FGF12: variants seen among roughly 807,000 people sequenced by gnomAD.
The protein encoded by FGF12 is fibroblast growth factor 12B.
Under a neutral mutation model 23.6 loss-of-function variants are expected in FGF12, and 14 were observed. The ratio of observed to expected loss-of-function variants is 0.59; its 90% CI spans 0.39 to 0.93. FGF12 has a LOEUF of 0.93. FGF12 is among the 40% of genes least tolerant of loss of function. The pLI is 0.00. For synonymous variants in FGF12, 62 were observed against 77.3 expected (o/e 0.80, Z 1.04); for missense variants, 175 against 217.8 (o/e 0.80, Z 1.24).
rs1724598024 is a variant in FGF12, at chr3:192,514,550, T to G, written c.14-154012A>C. 2.8e-6 allele frequency: 1 copy of G among 354,164 alleles called. No individual in the cohort carries two copies. The highest frequency in any genetic ancestry group is 1.1e-4 in the South Asian group (1 of 8,880). 21.9% of individuals were successfully genotyped at this position (354,164 alleles called of 1,614,324 possible). A position where few individuals can be genotyped will look rare whatever the true frequency, so the allele number is the denominator to read the frequency against. On this transcript the variant is annotated intron_variant, in intron 2 of 5. Coordinates refer to ENST00000445105, the MANE Select transcript of FGF12 (RefSeq NM_004113.6). The surrounding 1 kb of genome is among the most constrained non-coding windows in gnomAD (Gnocchi z 4.9). Reference sequence around the variant, plus strand: ...GACCTCGCCCCAGTCGGGAAACGCCTTCCCTCCGCCACAGGCAGCGCTGAA... The same window carrying G: ...GACCTCGCCCCAGTCGGGAAACGCCGTCCCTCCGCCACAGGCAGCGCTGAA...
At chr3:192,226,226 T>C (rs957946763) in intron 4 of FGF12, among the ~76,000 whole-genome samples, 1 of 152,176 alleles carries the variant, frequency 6.6e-6, no homozygotes, top group African/African-American at 2.4e-5. Flanking sequence ...TATGCTTTTT[T>C]CCCCATGGCT....
At chr3:192,432,708 T>G (rs1265194945) in intron 2 of FGF12, among the ~76,000 whole-genome samples, 1 of 151,724 alleles carries the variant, frequency 6.6e-6, no homozygotes, top group Non-Finnish European at 1.5e-5. Flanking sequence ...AATTGAATTC[T>G]GCCAGCAGCC....
At chr3:192,525,445 A>G (rs962491300) in intron 2 of FGF12, among the ~76,000 whole-genome samples, 16 of 152,330 alleles carry the variant, frequency 1.1e-4, no homozygotes, top group Middle Eastern at 3.4e-3. Context: ...ATCTCCAATC[A>G]GAGAGTATTA....
At chr3:192,232,841 T>C (rs1423837585) in intron 4 of FGF12, among the ~76,000 whole-genome samples, 1 of 152,126 alleles carries the variant, frequency 6.6e-6, no homozygotes, top group African/African-American at 2.4e-5. Flanking sequence ...CTTAGGATAA[T>C]GGCCTGCAGC....
At chr3:192,319,454 G>A (rs764333320) in intron 4 of FGF12, among the ~76,000 whole-genome samples, 5 of 151,994 alleles carry the variant, frequency 3.3e-5, no homozygotes, top group Non-Finnish European at 5.9e-5. Flanking sequence ...AAAATTAGGC[G>A]GGTGTGGTGG....
intron 4 of FGF12, among the ~76,000 whole-genome samples, chr3:192,187,710 T>C: frequency 6.6e-6 from 1 of 151,774 alleles, no homozygotes; most frequent in South Asian, 2.1e-4. Context: ...TTGAAGAATG[T>C]GTAGGAACTT....
chr3:192,567,494 G>C (rs1473797957), intron 2 of FGF12, among the ~76,000 whole-genome samples: 1 of 152,106 alleles, frequency 6.6e-6, no homozygotes, highest in African/African-American at 2.4e-5. Context: ...CCTCCAAATG[G>C]TGCTTGCATT....
intron 2 of FGF12, among the ~76,000 whole-genome samples, chr3:192,572,120 C>T (rs191880211): frequency 1.1e-4 from 16 of 152,222 alleles, no homozygotes; most frequent in African/African-American, 3.9e-4. Context: ...TAATCCAGAT[C>T]CTGGATGGAA....
At chr3:192,683,034 G>T (rs146792515) in intron 2 of FGF12, among the ~76,000 whole-genome samples, 3 of 152,130 alleles carry the variant, frequency 2.0e-5, no homozygotes, top group Non-Finnish European at 4.4e-5. Flanking sequence ...GTGTCTCTTC[G>T]TTTGGCTGCT....
intron 4 of FGF12, among the ~76,000 whole-genome samples, chr3:192,278,634 G>A (rs1224314830): frequency 6.6e-6 from 1 of 152,162 alleles, no homozygotes; most frequent in East Asian, 1.9e-4. Flanking sequence ...AGAGAACAGG[G>A]TAAGAGGAAA....
chr3:192,576,758 C>T (rs1712908496), intron 2 of FGF12, among the ~76,000 whole-genome samples: 1 of 152,096 alleles, frequency 6.6e-6, no homozygotes, highest in African/African-American at 2.4e-5. Flanking sequence ...AATAAATCAT[C>T]ATGTTTATTG....
At chr3:192,234,851 A>G (rs1577262559) in intron 4 of FGF12, among the ~76,000 whole-genome samples, 1 of 152,154 alleles carries the variant, frequency 6.6e-6, no homozygotes, top group African/African-American at 2.4e-5. Flanking sequence ...ATTTATTGAT[A>G]TTCATATGAT....
chr3:192,665,788 T>A (rs77446973), intron 2 of FGF12, among the ~76,000 whole-genome samples: 8 of 151,786 alleles, frequency 5.3e-5, no homozygotes, highest in East Asian at 1.9e-4. Flanking sequence ...GTAAAATTTT[T>A]AAAAAAAGAA....
intron 2 of FGF12, among the ~76,000 whole-genome samples, chr3:192,396,923 AG>A (rs1187952421): frequency 5.3e-5 from 8 of 152,234 alleles, no homozygotes; most frequent in Non-Finnish European, 1.2e-4. Flanking sequence ...GTCAGGACCA[AG>A]GAACCTCCAT....
chr3:192,662,735 T>C (rs1716719754), intron 2 of FGF12, among the ~76,000 whole-genome samples: 1 of 152,246 alleles, frequency 6.6e-6, no homozygotes, highest in Admixed American at 6.5e-5. Context: ...TTATGCTAAG[T>C]CTTTTTCTAC....
At chr3:192,382,048 G>A (rs1285883833) in intron 2 of FGF12, among the ~76,000 whole-genome samples, 2 of 151,460 alleles carry the variant, frequency 1.3e-5, no homozygotes, top group Admixed American at 6.6e-5. Flanking sequence ...CCAAGCTGGA[G>A]TGCAGTGCTG....
chr3:192,395,393 A>T (rs1265610743), intron 2 of FGF12, among the ~76,000 whole-genome samples: 3 of 152,242 alleles, frequency 2.0e-5, no homozygotes, highest in Non-Finnish European at 4.4e-5. Flanking sequence ...AAACTGGAGT[A>T]ACAATATTTT....
At chr3:192,643,934 G>A (rs1356324352) in intron 2 of FGF12, among the ~76,000 whole-genome samples, 1 of 152,084 alleles carries the variant, frequency 6.6e-6, no homozygotes, top group African/African-American at 2.4e-5. Context: ...TGAAATCACT[G>A]ACACCCCACT....
intron 2 of FGF12, among the ~76,000 whole-genome samples, chr3:192,573,372 G>A (rs1355880008): frequency 1.3e-5 from 2 of 152,170 alleles, no homozygotes; most frequent in Non-Finnish European, 2.9e-5. Context: ...TTTTGGATGA[G>A]ATTAACATTT....
Sources: allele counts gnomAD v4.1 joint callset (sites outside exome capture counted in the v4.1 genomes callset), GRCh38; gene constraint gnomAD v4.1.1; non-coding constraint Gnocchi (gnomAD v3.1); transcripts MANE v1.5; gene names NCBI Gene and HGNC (gene_info 2026-07-23, HGNC 2026-07-21).